Variants in MALRD1 observed in about 807,000 individuals in gnomAD.
The protein encoded by MALRD1 is MAM and LDL-receptor class A domain-containing protein 1.
A neutral mutation model predicts 242.1 loss-of-function variants in MALRD1; 247 were observed. The observed-to-expected ratio is 1.02, with a 90% CI of 0.92 to 1.13. MALRD1 has a LOEUF of 1.13. Ranked by LOEUF, MALRD1 falls within the 50% of genes most tolerant of loss-of-function variation. MALRD1 has a pLI of 0.00. For missense variants in MALRD1, 2,989 were observed against 2,533.1 expected, an observed-to-expected ratio of 1.18 and a Z score of -3.86; for synonymous variants, 995 against 866.6, an observed-to-expected ratio of 1.15 and a Z score of -2.60.
chr10:19,106,643 C>G (rs1316900713), intron 5 of MALRD1, among the ~76,000 whole-genome samples: 2 of 151,758 alleles, frequency 1.3e-5, no homozygotes, highest in African/African-American at 2.4e-5. Flanking sequence ...TAGGTCTGCT[C>G]TGATCTTTAT....
In MALRD1 at chr10:19,552,570, G is replaced by T. The variant is rs551268413; in HGVS notation, c.5479-14932G>T. ...TGAATTTTTGTGTGTGTGTGTGTGT[G>T]TCTGTATCCTTATTTGTAAACATAC... On this transcript the variant is annotated intron_variant, in intron 32 of 39. Coordinates refer to ENST00000454679, the MANE Select transcript of MALRD1 (RefSeq NM_001142308.3). Among the ~76,000 whole-genome samples the T allele has an allele frequency of 1.1e-4, 16 of 151,804 alleles. No individual in the cohort carries two copies. In the South Asian group the frequency reaches 3.1e-3, roughly 30 times the overall value.
At chr10:19,159,112 G>A (rs181383540) in intron 12 of MALRD1, among the ~76,000 whole-genome samples, 181 of 152,172 alleles carry the variant, frequency 1.2e-3, no homozygotes, top group African/African-American at 3.8e-3. Flanking sequence ...AAACAGATTC[G>A]GTTTTATTGA....
At chr10:19,326,394 G>A (rs1268942485) in intron 22 of MALRD1, among the ~76,000 whole-genome samples, 1 of 151,956 alleles carries the variant, frequency 6.6e-6, no homozygotes, top group Non-Finnish European at 1.5e-5. Flanking sequence ...TGAATAAAAT[G>A]ATATCAATGC....
chr10:19,499,470 A>G (rs547015846), intron 31 of MALRD1, among the ~76,000 whole-genome samples: 1 of 151,152 alleles, frequency 6.6e-6, no homozygotes, highest in South Asian at 2.1e-4. Flanking sequence ...AAACCAGCCT[A>G]TGCAGCAAGA....
chr10:19,052,440 T>G (rs146523350), intron 1 of MALRD1, among the ~76,000 whole-genome samples: 27 of 152,336 alleles, frequency 1.8e-4, no homozygotes, highest in African/African-American at 6.0e-4. Flanking sequence ...GTAGTTGAAC[T>G]TCTGGGATCA....
intron 14 of MALRD1, among the ~76,000 whole-genome samples, chr10:19,176,300 G>A (rs1410306215): frequency 6.7e-6 from 1 of 148,562 alleles, no homozygotes; most frequent in African/African-American, 2.5e-5. Flanking sequence ...GGCGATTAAA[G>A]AACTTTTAAT....
At chr10:19,438,279 A>G (rs1160246478) in intron 28 of MALRD1, among the ~76,000 whole-genome samples, 1 of 152,138 alleles carries the variant, frequency 6.6e-6, no homozygotes, top group Non-Finnish European at 1.5e-5. Context: ...CCTCAAATAT[A>G]AAAATGTCCT....
chr10:19,101,684 G>T (rs1359765380), intron 4 of MALRD1, among the ~76,000 whole-genome samples: 5 of 131,458 alleles, frequency 3.8e-5, no homozygotes, highest in Non-Finnish European at 7.7e-5. Flanking sequence ...TAAGATATAG[G>T]TATATTATAC....
At chr10:19,590,327 A>G (rs1033968136) in intron 33 of MALRD1, among the ~76,000 whole-genome samples, 1 of 148,006 alleles carries the variant, frequency 6.8e-6, no homozygotes, top group Non-Finnish European at 1.5e-5. Context: ...ATATATACAT[A>G]TTTTATATAT....
intron 14 of MALRD1, among the ~76,000 whole-genome samples, chr10:19,189,025 G>A (rs74421098): frequency 0.01 from 1,526 of 151,968 alleles, 25 homozygotes; most frequent in African/African-American, 0.035. Flanking sequence ...TTAACGAAAT[G>A]GACCTAGGGA....
intron 26 of MALRD1, among the ~76,000 whole-genome samples, chr10:19,360,323 A>C (rs1247246284): frequency 6.6e-6 from 1 of 152,148 alleles, no homozygotes. Flanking sequence ...ATTTTCTGCT[A>C]CCTAGGTCTA....
intron 21 of MALRD1, among the ~76,000 whole-genome samples, chr10:19,307,432 C>A (rs1842262028): frequency 6.6e-6 from 1 of 151,476 alleles, no homozygotes; most frequent in African/African-American, 2.4e-5. Flanking sequence ...CTGAATACAG[C>A]TAGTAATTCT....
chr10:19,138,162 C>CAGACTCCG (rs3043375), intron 10 of MALRD1, among the ~76,000 whole-genome samples: 1 of 151,770 alleles, frequency 6.6e-6, no homozygotes, highest in East Asian at 1.9e-4. Context: ...GTTAATACTT[C>CAGACTCCG]AGCTTTAAAC....
At chr10:19,047,202 G>A (rs1834358367), upstream of MALRD1, among the ~76,000 whole-genome samples, 1 of 152,156 alleles carries the variant, frequency 6.6e-6, no homozygotes, top group South Asian at 2.1e-4. Context: ...ATAGGTGAGA[G>A]TAGTCCAGGA....
At chr10:19,532,242 C>A (rs988577852) in intron 32 of MALRD1, among the ~76,000 whole-genome samples, 13 of 152,104 alleles carry the variant, frequency 8.5e-5, no homozygotes, top group Admixed American at 7.9e-4. Context: ...TTTCAAAAAT[C>A]TGATATCTTT....
intron 22 of MALRD1, among the ~76,000 whole-genome samples, chr10:19,325,413 A>T (rs1208122629): frequency 6.9e-6 from 1 of 144,726 alleles, no homozygotes; most frequent in Non-Finnish European, 1.5e-5. Context: ...AAAGTCCTGT[A>T]TTTTTTTTTT....
At chr10:19,518,802 A>G (rs1218421661) in intron 31 of MALRD1, among the ~76,000 whole-genome samples, 1 of 152,182 alleles carries the variant, frequency 6.6e-6, no homozygotes, top group Non-Finnish European at 1.5e-5. Context: ...CTTACTACAT[A>G]ATTGGTTTCA....
chr10:19,661,749 C>T (rs907901537), intron 36 of MALRD1, among the ~76,000 whole-genome samples: 5 of 151,898 alleles, frequency 3.3e-5, no homozygotes, highest in South Asian at 2.1e-4. Context: ...CAAACCTGCA[C>T]GTTGTGCACA....
chr10:19,635,940 ACCC>A (rs989552319), intron 36 of MALRD1, among the ~76,000 whole-genome samples: 5 of 151,928 alleles, frequency 3.3e-5, no homozygotes, highest in African/African-American at 1.2e-4. Flanking sequence ...TCACTCTGTC[ACCC>A]AGGCTGGAGT....
Sources: allele counts gnomAD v4.1 joint callset (sites outside exome capture counted in the v4.1 genomes callset), GRCh38; gene constraint gnomAD v4.1.1; transcripts MANE v1.5; gene names NCBI Gene and HGNC (gene_info 2026-07-23, HGNC 2026-07-21).